Variants in PLEKHG1 observed in about 807,000 individuals in gnomAD.
PLEKHG1 encodes pleckstrin homology and RhoGEF domain containing G1.
Under a neutral mutation model 100.8 loss-of-function variants are expected in PLEKHG1, and 44 were observed. That is an observed-to-expected ratio of 0.44 (90% confidence interval 0.34 to 0.56). The LOEUF (loss-of-function observed/expected upper bound fraction) is 0.56, where lower values mean the gene tolerates loss of function less well. Ranked by LOEUF, PLEKHG1 falls within the 20% of genes least tolerant of loss-of-function variation. The pLI is 0.01. For synonymous variants in PLEKHG1, 640 were observed against 662.5 expected (o/e 0.97, Z 0.52); for missense variants, 1,545 against 1,720.9 (o/e 0.90, Z 1.81).
chr6:150,701,216 A>T (rs914092345), intron 3 of PLEKHG1, among the ~76,000 whole-genome samples: 2 of 150,258 alleles, frequency 1.3e-5, no homozygotes, highest in Admixed American at 1.3e-4. Flanking sequence ...GCAACTCGGG[A>T]GTCTGAAGCA....
intron 13 of PLEKHG1, 96 bp from the exon 15 acceptor site, chr6:150,823,558 A>G: frequency 2.5e-6 from 2 of 803,476 alleles, no homozygotes; most frequent in African/African-American, 1.7e-5. Context: ...TTCAATTACT[A>G]GTAATAAGTT....
intron 1 of PLEKHG1, among the ~76,000 whole-genome samples, chr6:150,631,879 G>A (rs1056272507): frequency 6.6e-6 from 1 of 152,160 alleles, no homozygotes; most frequent in African/African-American, 2.4e-5. Flanking sequence ...GGGGAACTGG[G>A]CATCAGGCTT....
chr6:150,830,608 G>A (rs144321933), exon 15 of PLEKHG1: 16 of 1,604,284 alleles, frequency 1.0e-5, no homozygotes, highest in Admixed American at 1.7e-5. Context: ...GATCTCCCCA[G>A]CTGTCTTCAG....
In PLEKHG1 at chr6:150,667,275, A is replaced by G. The variant is rs547281944; in HGVS notation, c.-99+16489A>G. Among the ~76,000 whole-genome samples, 416 of 152,284 alleles carry G rather than the reference A, an allele frequency of 2.7e-3. 2 individuals carry two copies. Among genetic ancestry groups the G allele is most frequent in the Non-Finnish European group, 4.6e-3 (313 of 68,004 alleles). ...AATGTTTGCTCACCAGTCTTTTTAA[A>G]TATTATATTGCTGCGGACATAATTT... On this transcript the variant is annotated intron_variant, in intron 3 of 3. Transcript: ENST00000367326.
intron 2 of PLEKHG1, among the ~76,000 whole-genome samples, chr6:150,768,414 A>T (rs1042713902): frequency 3.3e-5 from 5 of 152,252 alleles, no homozygotes; most frequent in Admixed American, 6.5e-5. Flanking sequence ...TTTAGGGAGT[A>T]GACAGAATGT....
At chr6:150,822,745 C>T (rs1776376217) in intron 13 of PLEKHG1, among the ~76,000 whole-genome samples, 1 of 152,128 alleles carries the variant, frequency 6.6e-6, no homozygotes, top group African/African-American at 2.4e-5. Context: ...TTTGGGAGGC[C>T]GAGGAGGGTG....
At chr6:150,642,990 C>T (rs1462089741) in intron 2 of PLEKHG1, among the ~76,000 whole-genome samples, 1 of 152,146 alleles carries the variant, frequency 6.6e-6, no homozygotes, top group Non-Finnish European at 1.5e-5. Flanking sequence ...TCCCCTCCAA[C>T]TTTAAAAACT....
chr6:150,729,276 A>G (rs1170437773), intron 1 of PLEKHG1, among the ~76,000 whole-genome samples: 2 of 152,224 alleles, frequency 1.3e-5, no homozygotes, highest in East Asian at 3.9e-4. Flanking sequence ...TGCCCAGGCT[A>G]GTCTCGAACT....
chr6:150,629,363 A>G (rs990551590), intron 1 of PLEKHG1, among the ~76,000 whole-genome samples: 6 of 152,238 alleles, frequency 3.9e-5, no homozygotes, highest in African/African-American at 1.2e-4. Flanking sequence ...GAATATTCAT[A>G]CAAGGAACTA....
intron 3 of PLEKHG1, among the ~76,000 whole-genome samples, chr6:150,769,129 C>T (rs971338106): frequency 5.3e-5 from 8 of 152,112 alleles, no homozygotes; most frequent in African/African-American, 1.9e-4. Context: ...ACACACAATA[C>T]ATACTTCAAG....
chr6:150,730,365 T>C (rs2128615475), intron 1 of PLEKHG1, among the ~76,000 whole-genome samples: 1 of 151,610 alleles, frequency 6.6e-6, no homozygotes, highest in Admixed American at 6.6e-5. Context: ...TGGGGATGCT[T>C]TCAGGATGAA....
At chr6:150,715,440 CT>C (rs1359246699) in intron 3 of PLEKHG1, among the ~76,000 whole-genome samples, 1 of 150,438 alleles carries the variant, frequency 6.6e-6, no homozygotes, top group East Asian at 2.0e-4. Flanking sequence ...AGTGTGACAC[CT>C]TTTGGCGTGC....
intron 3 of PLEKHG1, among the ~76,000 whole-genome samples, chr6:150,665,100 G>A (rs1779346968): frequency 6.6e-6 from 1 of 152,084 alleles, no homozygotes; most frequent in African/African-American, 2.4e-5. Context: ...TAGGTGATCT[G>A]GGAACACATT....
chr6:150,599,958 C>T (rs1776259412), exon 1 of PLEKHG1: 1 of 228,378 alleles, frequency 4.4e-6, no homozygotes, highest in East Asian at 1.7e-4. Context: ...CAGCGCAGCC[C>T]GCACCCTCCC....
At chr6:150,812,767 G>T (rs1243110744) in intron 10 of PLEKHG1, among the ~76,000 whole-genome samples, 1 of 152,098 alleles carries the variant, frequency 6.6e-6, no homozygotes, top group Non-Finnish European at 1.5e-5. Flanking sequence ...CTCACTTCTT[G>T]TTGGAACGGG....
At chr6:150,677,485 T>C (rs185823248) in intron 3 of PLEKHG1, among the ~76,000 whole-genome samples, 2 of 152,298 alleles carry the variant, frequency 1.3e-5, no homozygotes, top group East Asian at 3.9e-4. Flanking sequence ...TCTTCCAGAC[T>C]CAATTCATAT....
intron 2 of PLEKHG1, among the ~76,000 whole-genome samples, chr6:150,767,006 T>C (rs1465331185): frequency 6.6e-6 from 1 of 152,146 alleles, no homozygotes; most frequent in Non-Finnish European, 1.5e-5. Flanking sequence ...GTGTACAATA[T>C]GCCCTCCAAA....
chr6:150,839,104 C>T (rs759388556), intron 15 of PLEKHG1, among the ~76,000 whole-genome samples: 11 of 151,898 alleles, frequency 7.2e-5, no homozygotes, highest in Non-Finnish European at 7.4e-5. Context: ...TGTGGCCATG[C>T]TGCTTTTTTT....
At chr6:150,621,465 C>T (rs1476573729) in intron 1 of PLEKHG1, among the ~76,000 whole-genome samples, 2 of 151,888 alleles carry the variant, frequency 1.3e-5, no homozygotes, top group East Asian at 3.9e-4. Flanking sequence ...ACCTCCACCT[C>T]CTGGGTTCAG....
Sources: allele counts gnomAD v4.1 joint callset (sites outside exome capture counted in the v4.1 genomes callset), GRCh38; gene constraint gnomAD v4.1.1; transcripts MANE v1.5; gene names NCBI Gene and HGNC (gene_info 2026-07-23, HGNC 2026-07-21).